FGGY: variants seen among roughly 807,000 people sequenced by gnomAD.
FGGY encodes the protein FGGY carbohydrate kinase domain containing.
In FGGY, 72 loss-of-function variants were observed where a neutral mutation model predicts 71.3. The observed-to-expected ratio is 1.01, with a 90% CI of 0.84 to 1.23. FGGY has a LOEUF of 1.23. Ranked by LOEUF, FGGY falls within the 50% of genes most tolerant of loss-of-function variation. The probability of loss-of-function intolerance (pLI) is 0.00; values close to 1 mark genes in which losing one functional copy is unlikely to be tolerated. For missense variants in FGGY, 668 were observed against 682.3 expected (o/e 0.98, Z 0.23); for synonymous variants, 251 against 250.3 (o/e 1.00, Z -0.02).
chr1:59,321,508 A>T, intron 1 of FGGY, 28 bp from the exon 2 acceptor site: 3 of 1,599,386 alleles, frequency 1.9e-6, no homozygotes, highest in Non-Finnish European at 2.6e-6. Flanking sequence ...CTTGGTCTTC[A>T]TATGGTTTTT....
At chr1:59,349,636 T>G (rs1352081164) in intron 4 of FGGY, among the ~76,000 whole-genome samples, 1 of 152,196 alleles carries the variant, frequency 6.6e-6, no homozygotes, top group Non-Finnish European at 1.5e-5. Flanking sequence ...AAAATCAATT[T>G]TCTTTCAGAA....
At chr1:59,356,856 C>T (rs2054420611) in intron 4 of FGGY, among the ~76,000 whole-genome samples, 1 of 152,178 alleles carries the variant, frequency 6.6e-6, no homozygotes, top group Non-Finnish European at 1.5e-5. Context: ...AGTGAAGGCT[C>T]TAGACTGAGA....
In FGGY at chr1:59,547,263, G is replaced by C. The variant is rs112228263; in HGVS notation, c.800-6861G>C. On this transcript the variant is annotated intron_variant, in intron 7 of 15. Transcript: ENST00000303721. ...ACCATGCCCGGCCACCTTTTTGACT[G>C]TTTTACTCCCCTTCATTTGCTAGGC... is the stretch of plus-strand genomic sequence containing the variant. Among the ~76,000 whole-genome samples, 922 of 152,132 alleles carry C rather than the reference G, an allele frequency of 6.1e-3. 13 individuals carry two copies. The highest frequency in any genetic ancestry group is 8.4e-3 in the Non-Finnish European group (572 of 67,980).
intron 6 of FGGY, among the ~76,000 whole-genome samples, chr1:59,481,512 G>A (rs2093467170): frequency 6.6e-6 from 1 of 152,064 alleles, no homozygotes; most frequent in Non-Finnish European, 1.5e-5. Context: ...ATGACATGTG[G>A]GAATCAAGAG....
intron 7 of FGGY, among the ~76,000 whole-genome samples, chr1:59,533,915 G>C (rs1000512007): frequency 6.6e-6 from 1 of 152,214 alleles, no homozygotes; most frequent in Non-Finnish European, 1.5e-5. Flanking sequence ...ACTCTGAAAC[G>C]CAGAGCGCCT....
Position 59,512,381 on chromosome 1 carries a change from C to A in FGGY, c.741C>A (p.Gly247=). ...GLTPEAARDL[G]LLPGIAVAAS... is the part of the protein sequence containing the mutation. ...CACCAGAGGCAGCAAGAGACCTTGG[C>A]CTTCTCCCTGGGATTGCGGTCGCAG... The change falls in exon 7 of 16, where the codon GGC becomes GGA. Residue 247 remains glycine, a synonymous_variant. Transcript: ENST00000303721. The A allele has an allele frequency of 6.2e-7, 1 of 1,613,742 alleles. No homozygotes were observed. Among genetic ancestry groups the A allele is most frequent in the Non-Finnish European group, 8.5e-7 (1 of 1,179,758 alleles).
chr1:59,616,959 G>A (rs1469894951), intron 9 of FGGY, among the ~76,000 whole-genome samples: 1 of 152,068 alleles, frequency 6.6e-6, no homozygotes, highest in Non-Finnish European at 1.5e-5. Flanking sequence ...CTTTTAATAT[G>A]TTTTATTTAC....
chr1:59,722,259 C>G (rs2097903885), intron 14 of FGGY, among the ~76,000 whole-genome samples: 1 of 151,762 alleles, frequency 6.6e-6, no homozygotes, highest in Admixed American at 6.6e-5. Context: ...ATCAAGGATA[C>G]TTACTATCAG....
intron 13 of FGGY, among the ~76,000 whole-genome samples, chr1:59,671,648 A>G (rs188825293): frequency 1.9e-4 from 29 of 152,374 alleles, no homozygotes; most frequent in African/African-American, 6.2e-4. Flanking sequence ...AACTTTAAGA[A>G]TAACAACTAA....
chr1:59,585,524 A>G (rs1425209990), intron 8 of FGGY, among the ~76,000 whole-genome samples: 2 of 152,352 alleles, frequency 1.3e-5, no homozygotes, highest in East Asian at 3.9e-4. Context: ...TTAATTCAAA[A>G]TGGATTAAAG....
intron 14 of FGGY, chr1:59,755,973 T>C (rs1484290070): frequency 6.6e-6 from 1 of 152,222 alleles, no homozygotes; most frequent in Non-Finnish European, 1.5e-5. Flanking sequence ...AGTGGCACGG[T>C]TGATGATGGG....
intron 7 of FGGY, among the ~76,000 whole-genome samples, chr1:59,523,734 G>A (rs1196985674): frequency 6.6e-6 from 1 of 152,226 alleles, no homozygotes; most frequent in South Asian, 2.1e-4. Context: ...TGATGTAAGA[G>A]TTTGGCTCTC....
chr1:59,685,755 GTTA>G (rs2097539010), intron 14 of FGGY, among the ~76,000 whole-genome samples: 2 of 152,250 alleles, frequency 1.3e-5, no homozygotes, highest in African/African-American at 2.4e-5. Context: ...GGACTAGGCA[GTTA>G]TTATTATTTT....
At chr1:59,464,952 C>A (rs2092519191) in intron 6 of FGGY, among the ~76,000 whole-genome samples, 1 of 152,198 alleles carries the variant, frequency 6.6e-6, no homozygotes, top group Non-Finnish European at 1.5e-5. Context: ...GAGCTGCTAC[C>A]ATTCCTTCTG....
chr1:59,322,651 A>C (rs2046615835), intron 2 of FGGY, among the ~76,000 whole-genome samples: 1 of 152,214 alleles, frequency 6.6e-6, no homozygotes, highest in South Asian at 2.1e-4. Flanking sequence ...AAGGAGTCAG[A>C]TTAGAGTGTC....
At chr1:59,562,034 CT>C (rs1418598202) in intron 8 of FGGY, among the ~76,000 whole-genome samples, 1 of 152,184 alleles carries the variant, frequency 6.6e-6, no homozygotes, top group African/African-American at 2.4e-5. Flanking sequence ...AACTGTAGCT[CT>C]CACACACCAC....
intron 7 of FGGY, among the ~76,000 whole-genome samples, chr1:59,541,225 C>T (rs2095435238): frequency 6.6e-6 from 1 of 152,160 alleles, no homozygotes; most frequent in Non-Finnish European, 1.5e-5. Flanking sequence ...GATTCTGAGC[C>T]TCTTTCATCT....
At chr1:59,656,845 C>T (rs1402923609) in intron 11 of FGGY, among the ~76,000 whole-genome samples, 1 of 152,104 alleles carries the variant, frequency 6.6e-6, no homozygotes, top group Non-Finnish European at 1.5e-5. Flanking sequence ...CTCATGTGTC[C>T]CTTTTTGCCA....
rs76944681 is a variant in FGGY, at chr1:59,396,632, A to G, written c.554+17795A>G. On this transcript the variant is annotated intron_variant, in intron 5 of 15. Transcript: ENST00000303721. ...GGTCCTTTGGACTGTTGGTTTACAA[A>G]TGGTAGAAAAAAGGGACACTGGACT... Among the ~76,000 whole-genome samples, 570 of 152,272 alleles carry G rather than the reference A, an allele frequency of 3.7e-3. 14 individuals carry two copies. The East Asian group carries it at 0.055, about 15-fold the overall frequency.
Sources: allele counts gnomAD v4.1 joint callset (sites outside exome capture counted in the v4.1 genomes callset), GRCh38; gene constraint gnomAD v4.1.1; transcripts MANE v1.5; gene names NCBI Gene and HGNC (gene_info 2026-07-23, HGNC 2026-07-21).